Variants in KIAA1328 observed in about 807,000 individuals in gnomAD.
KIAA1328 encodes KIAA1328, also known as protein hinderin.
In KIAA1328, 52 loss-of-function variants were observed where a neutral mutation model predicts 68.1. The observed-to-expected ratio is 0.76, with a 90% CI of 0.61 to 0.96. The LOEUF is 0.96. Among genes scored for constraint, KIAA1328 ranks in the 40% least tolerant of loss-of-function variants. KIAA1328 has a pLI of 0.00. For synonymous variants in KIAA1328, 232 were observed against 239.4 expected, an observed-to-expected ratio of 0.97 and a Z score of 0.28; for missense variants, 641 against 677.6, an observed-to-expected ratio of 0.95 and a Z score of 0.60.
At chr18:36,894,291 G>C (rs1664408381) in intron 5 of KIAA1328, among the ~76,000 whole-genome samples, 1 of 152,140 alleles carries the variant, frequency 6.6e-6, no homozygotes, top group South Asian at 2.1e-4. Context: ...GTATTCAAAA[G>C]CATATACCTT....
In KIAA1328 at chr18:36,982,043, AGTT is replaced by A. The variant is rs572674972; in HGVS notation, c.576+22613_576+22615del. ...AAAAGTGATTTAACTAAAATCATTG[AGTT>A]GTTGGACAACTCTAAGTGATCTAAT... On this transcript the variant is annotated intron_variant, in intron 6 of 9. Coordinates refer to ENST00000280020, the MANE Select transcript of KIAA1328 (RefSeq NM_020776.3). Among the ~76,000 whole-genome samples, 578 of 148,056 alleles carry A rather than the reference AGTT, an allele frequency of 3.9e-3. 5 individuals carry two copies. Among genetic ancestry groups the A allele is most frequent in the Non-Finnish European group, 6.3e-3 (422 of 67,356 alleles).
downstream of KIAA1328, chr18:37,229,827 A>G (rs1048122545): frequency 2.9e-5 from 5 of 174,252 alleles, no homozygotes; most frequent in Non-Finnish European, 6.1e-5. Context: ...CGGAGGTTGC[A>G]GTGAGCCAAG....
chr18:36,857,008 A>G (rs982208028), intron 4 of KIAA1328, among the ~76,000 whole-genome samples: 1 of 152,170 alleles, frequency 6.6e-6, no homozygotes, highest in East Asian at 1.9e-4. Flanking sequence ...TCTCTCAGTC[A>G]TTTTAGATTG....
At chr18:37,213,954 G>A (rs1170737854) in intron 9 of KIAA1328, among the ~76,000 whole-genome samples, 1 of 152,198 alleles carries the variant, frequency 6.6e-6, no homozygotes, top group Non-Finnish European at 1.5e-5. Context: ...CTTCTTTAGA[G>A]AAGTGTCTGT....
At chr18:36,925,762 C>T (rs925303189) in intron 5 of KIAA1328, among the ~76,000 whole-genome samples, 8 of 152,004 alleles carry the variant, frequency 5.3e-5, no homozygotes, top group African/African-American at 9.7e-5. Context: ...TGGTCTCAAA[C>T]TCTTGGCCAC....
intron 7 of KIAA1328, among the ~76,000 whole-genome samples, chr18:37,127,046 A>G (rs567166888): frequency 1.3e-5 from 2 of 152,322 alleles, no homozygotes; most frequent in Middle Eastern, 6.8e-3. Flanking sequence ...CACTCTATTG[A>G]CTTCTATTCG....
chr18:36,985,787 C>T (rs2052895625), intron 6 of KIAA1328, among the ~76,000 whole-genome samples: 2 of 151,988 alleles, frequency 1.3e-5, no homozygotes, highest in Non-Finnish European at 2.9e-5. Context: ...ATCTTTGCAG[C>T]CGTGGATTAG....
chr18:36,964,726 G>T (rs902079160), intron 6 of KIAA1328, among the ~76,000 whole-genome samples: 1 of 151,942 alleles, frequency 6.6e-6, no homozygotes, highest in African/African-American at 2.4e-5. Flanking sequence ...TTCTATTTAG[G>T]TTGTAGTGTT....
At chr18:37,022,672 T>A (rs569487086) in intron 6 of KIAA1328, among the ~76,000 whole-genome samples, 1 of 152,306 alleles carries the variant, frequency 6.6e-6, no homozygotes, top group East Asian at 1.9e-4. Context: ...ACATGGCTGT[T>A]TAAGGAATCT....
rs551084758 is a variant in KIAA1328, at chr18:37,065,662, C to T, written c.577-1228C>T. Among the ~76,000 whole-genome samples the T allele has an allele frequency of 7.2e-5, 11 of 152,286 alleles. No individual in the cohort carries two copies. The East Asian group carries it at 9.6e-4, about 13-fold the overall frequency. On this transcript the variant is annotated intron_variant, in intron 6 of 9. Coordinates refer to ENST00000280020, the MANE Select transcript of KIAA1328 (RefSeq NM_020776.3). The stretch of plus-strand genomic sequence containing the variant: ...AGCTGGATTCATTTTCAGAAATGCA[C>T]CTCCTTCAGTTTAGTTTGATTAAGT...
At chr18:37,104,417 AAG>A (rs1276895037) in intron 7 of KIAA1328, among the ~76,000 whole-genome samples, 1 of 152,212 alleles carries the variant, frequency 6.6e-6, no homozygotes, top group African/African-American at 2.4e-5. Context: ...CAGGCACAGA[AAG>A]AGAAATACTG....
chr18:37,036,235 A>G (rs1242816312), intron 6 of KIAA1328, among the ~76,000 whole-genome samples: 1 of 152,216 alleles, frequency 6.6e-6, no homozygotes, highest in African/African-American at 2.4e-5. Context: ...ATTGAAAGGT[A>G]ACGTTGTTAC....
intron 7 of KIAA1328, among the ~76,000 whole-genome samples, chr18:37,099,481 T>A (rs981820923): frequency 7.9e-5 from 12 of 152,256 alleles, no homozygotes; most frequent in East Asian, 3.9e-4. Context: ...TGCTGAGGAG[T>A]GCTTTACTTC....
At chr18:37,136,209 G>A (rs1052791903) in intron 7 of KIAA1328, among the ~76,000 whole-genome samples, 15 of 152,170 alleles carry the variant, frequency 9.9e-5, no homozygotes, top group Non-Finnish European at 1.9e-4. Flanking sequence ...TGATTCACCA[G>A]TGGACCTTGG....
chr18:37,083,869 C>G (rs1307364026), intron 7 of KIAA1328, among the ~76,000 whole-genome samples: 2 of 152,112 alleles, frequency 1.3e-5, no homozygotes, highest in Non-Finnish European at 2.9e-5. Flanking sequence ...ATTGAAGTAT[C>G]TATAATTTTG....
At chr18:37,008,355 G>A (rs2053854388) in intron 6 of KIAA1328, among the ~76,000 whole-genome samples, 1 of 152,180 alleles carries the variant, frequency 6.6e-6, no homozygotes, top group Admixed American at 6.5e-5. Flanking sequence ...ACTGCTCAGA[G>A]GTGAGAAAGA....
chr18:37,067,525 G>C lies in KIAA1328; in HGVS notation c.1212G>C (p.Gln404His), dbSNP rs1306285525. 2 of 1,532,560 alleles carry C rather than the reference G, an allele frequency of 1.3e-6. No individual in the cohort carries two copies. Among genetic ancestry groups the C allele is most frequent in the African/African-American group, 2.8e-5 (2 of 72,466 alleles). The allele number at this position is 1,532,560 out of a possible 1,614,324, so 94.9% of individuals were successfully genotyped here. The change falls in exon 7 of 10, where the codon CAG (glutamine) becomes CAC (histidine). Residue 404 changes from glutamine to histidine, a missense_variant. Coordinates refer to ENST00000280020, the MANE Select transcript of KIAA1328 (RefSeq NM_020776.3). ...KLLLKQQQLH[Q>H]SRLDYNCLLK... Reference sequence around the variant, plus strand: ...TTCTAAAACAGCAGCAGCTTCACCAGTCTCGACTGGATTACAATTGGTGAG... The same window carrying C: ...TTCTAAAACAGCAGCAGCTTCACCACTCTCGACTGGATTACAATTGGTGAG...
At chr18:36,994,568 T>C (rs1020114756) in intron 6 of KIAA1328, among the ~76,000 whole-genome samples, 4 of 152,218 alleles carry the variant, frequency 2.6e-5, no homozygotes, top group African/African-American at 9.6e-5. Context: ...GTAGTTTGCA[T>C]AGCTAAAGTG....
chr18:37,056,579 A>G (rs1336662406), intron 6 of KIAA1328, among the ~76,000 whole-genome samples: 3 of 152,188 alleles, frequency 2.0e-5, no homozygotes, highest in Non-Finnish European at 4.4e-5. Flanking sequence ...ATAGCACACC[A>G]TGTTAGAAGT....
Sources: allele counts gnomAD v4.1 joint callset (sites outside exome capture counted in the v4.1 genomes callset), GRCh38; gene constraint gnomAD v4.1.1; transcripts MANE v1.5; gene names NCBI Gene and HGNC (gene_info 2026-07-23, HGNC 2026-07-21).